Variants in NFIB observed in about 807,000 individuals in gnomAD.
NFIB encodes the protein nuclear factor 1 B-type.
Under a neutral mutation model 61.5 loss-of-function variants are expected in NFIB, and 11 were observed. The observed-to-expected ratio is 0.18, with a 90% CI of 0.11 to 0.30. The LOEUF is 0.30. Among genes scored for constraint, NFIB ranks in the 10% least tolerant of loss-of-function variants. The pLI, the probability that NFIB is intolerant of heterozygous loss-of-function variation, is 1.00. For synonymous variants in NFIB, 260 were observed against 216.5 expected (o/e 1.20, Z -1.76); for missense variants, 471 against 608.9 (o/e 0.77, Z 2.38).
chr9:14,505,415 T>G, the NFIB span, among the ~76,000 whole-genome samples: 4 of 152,170 alleles, frequency 2.6e-5, no homozygotes, highest in African/African-American at 9.7e-5. Flanking sequence ...TAATGAAGCT[T>G]GAGCTACAGC....
chr9:14,482,104 G>A, the NFIB span, among the ~76,000 whole-genome samples: 7 of 102,176 alleles, frequency 6.9e-5, 1 homozygote, highest in African/African-American at 2.7e-4. Context: ...AGACCTTCCT[G>A]AAATGCCATG....
chr9:14,122,618 A>G (rs1306100103), intron 7 of NFIB, among the ~76,000 whole-genome samples: 3 of 152,172 alleles, frequency 2.0e-5, no homozygotes, highest in Non-Finnish European at 4.4e-5. Context: ...TCTAAGAAAA[A>G]CTGGGCATCT....
At chr9:14,121,645 T>C (rs1276965781) in intron 7 of NFIB, among the ~76,000 whole-genome samples, 2 of 152,176 alleles carry the variant, frequency 1.3e-5, no homozygotes, top group Non-Finnish European at 2.9e-5. Flanking sequence ...ACTTTAACTT[T>C]TACTATATGT....
chr9:14,394,670 A>C (rs2061661856), intron 1 of NFIB, among the ~76,000 whole-genome samples: 1 of 152,172 alleles, frequency 6.6e-6, no homozygotes, highest in Non-Finnish European at 1.5e-5. Flanking sequence ...ACACAACCAA[A>C]TCATGTCACC....
chr9:14,448,458 A>T, the NFIB span, among the ~76,000 whole-genome samples: 1 of 152,252 alleles, frequency 6.6e-6, no homozygotes, highest in Non-Finnish European at 1.5e-5. Flanking sequence ...AGGGATTGTC[A>T]TAATTCCCAT....
rs577694989 is a variant in NFIB, at chr9:14,260,290, G to A, written c.562+46699C>T. On this transcript the variant is annotated intron_variant, in intron 2 of 10. Coordinates refer to ENST00000380953, the MANE Select transcript of NFIB (RefSeq NM_001190737.2). The stretch of plus-strand genomic sequence containing the variant: ...AGGATGGCTCAATATCTGTAATGCA[G>A]AGGCTGAATATGTATAAATGCAGAG... 1.1e-4 allele frequency among the ~76,000 whole-genome samples: 17 copies of A among 152,292 alleles called. No individual in the cohort carries two copies. The South Asian group carries it at 2.3e-3, about 20-fold the overall frequency.
At chr9:14,494,999 G>A in the NFIB span, among the ~76,000 whole-genome samples, 15 of 152,248 alleles carry the variant, frequency 9.9e-5, no homozygotes, top group East Asian at 2.3e-3. Flanking sequence ...CATTTACTCC[G>A]CTTATTCCAA....
chr9:14,231,449 A>G (rs1204307419), intron 2 of NFIB, among the ~76,000 whole-genome samples: 1 of 152,028 alleles, frequency 6.6e-6, no homozygotes, highest in East Asian at 1.9e-4. Flanking sequence ...CAGGAAGCCC[A>G]ATCCTGCCTG....
At chr9:14,182,175 T>C (rs759956411) in intron 2 of NFIB, among the ~76,000 whole-genome samples, 2 of 152,188 alleles carry the variant, frequency 1.3e-5, no homozygotes, top group African/African-American at 2.4e-5. Flanking sequence ...TGAAAAAATA[T>C]ACTTACTAAA....
the NFIB span, among the ~76,000 whole-genome samples, chr9:14,487,482 G>A: frequency 6.6e-6 from 1 of 152,210 alleles, no homozygotes; most frequent in South Asian, 2.1e-4. Flanking sequence ...GTGGAGCACA[G>A]GCAGTTAGGC....
chr9:14,345,985 G>A (rs1248191260), intron 1 of NFIB, among the ~76,000 whole-genome samples: 1 of 152,194 alleles, frequency 6.6e-6, no homozygotes, highest in Non-Finnish European at 1.5e-5. Context: ...CGCCATGGTG[G>A]CAACATGGGC....
At chr9:14,525,598 A>T in the NFIB span, among the ~76,000 whole-genome samples, 1 of 152,170 alleles carries the variant, frequency 6.6e-6, no homozygotes, top group South Asian at 2.1e-4. Flanking sequence ...CCTTAAAATC[A>T]TGGTATTTAA....
chr9:14,219,614 G>A (rs1224580759), intron 2 of NFIB, among the ~76,000 whole-genome samples: 3 of 152,078 alleles, frequency 2.0e-5, no homozygotes, highest in Non-Finnish European at 4.4e-5. Context: ...TTTTATGGAG[G>A]AGTTACTTTT....
chr9:14,264,182 CA>C (rs58028341), intron 2 of NFIB, among the ~76,000 whole-genome samples: 1,463 of 136,890 alleles, frequency 0.011, 24 homozygotes, highest in African/African-American at 0.034. Flanking sequence ...TAAAATTGAC[CA>C]AAAAAAAAAA....
chr9:14,261,760 A>G (rs1047971354), intron 2 of NFIB, among the ~76,000 whole-genome samples: 1 of 152,212 alleles, frequency 6.6e-6, no homozygotes, highest in African/African-American at 2.4e-5. Context: ...CACAGCAGAC[A>G]ATGGTTTGTG....
At chr9:14,322,424 G>A (rs998334075) in intron 1 of NFIB, 2 of 233,480 alleles carry the variant, frequency 8.6e-6, no homozygotes, top group Admixed American at 5.6e-5. Context: ...GCACGGCCCC[G>A]GGGTCGCGCG....
chr9:14,223,546 TA>T (rs1175004220), intron 2 of NFIB, among the ~76,000 whole-genome samples: 2 of 152,214 alleles, frequency 1.3e-5, no homozygotes, highest in Non-Finnish European at 2.9e-5. Flanking sequence ...AATTATTTAA[TA>T]ATTACACTGA....
At chr9:14,273,073 C>G (rs947596367) in intron 2 of NFIB, among the ~76,000 whole-genome samples, 1 of 152,122 alleles carries the variant, frequency 6.6e-6, no homozygotes, top group African/African-American at 2.4e-5. Flanking sequence ...AGCCAGGGCA[C>G]GCCAGGGAGA....
the NFIB span, among the ~76,000 whole-genome samples, chr9:14,404,080 T>G: frequency 6.6e-6 from 1 of 152,218 alleles, no homozygotes; most frequent in Non-Finnish European, 1.5e-5. Flanking sequence ...CTCCTATCTC[T>G]GATTTTCATG....
Sources: allele counts gnomAD v4.1 joint callset (sites outside exome capture counted in the v4.1 genomes callset), GRCh38; gene constraint gnomAD v4.1.1; transcripts MANE v1.5; gene names NCBI Gene and HGNC (gene_info 2026-07-23, HGNC 2026-07-21).